The following METTL25 variants were observed in gnomAD, a reference collection of about 807,000 sequenced individuals.
METTL25 encodes the protein methyltransferase like 25.
METTL25 carries 64 observed loss-of-function variants against 71.6 expected under a neutral mutation model. That is an observed-to-expected ratio of 0.89 (90% CI 0.73 to 1.10). The LOEUF (loss-of-function observed/expected upper bound fraction) is 1.10. Ranked by LOEUF, METTL25 falls within the 50% of genes least tolerant of loss-of-function variation. The pLI is 0.00. For synonymous variants in METTL25, 287 were observed against 250.3 expected (o/e 1.15, Z -1.38); for missense variants, 807 against 707.0 (o/e 1.14, Z -1.60).
At chr12:82,476,397 TA>T (rs1892879886) in intron 9 of METTL25, 1 of 358,432 alleles carries the variant, frequency 2.8e-6, no homozygotes, top group South Asian at 6.0e-5. Flanking sequence ...TTGTTGAAAT[TA>T]AACAATATTA....
At chr12:82,392,908 T>C (rs1426564400) in intron 3 of METTL25, among the ~76,000 whole-genome samples, 1 of 152,102 alleles carries the variant, frequency 6.6e-6, no homozygotes, top group East Asian at 1.9e-4. Context: ...ATGCATCTTC[T>C]TGGCACCTTT....
At position 82,399,008 on chromosome 12, in the gene METTL25, C is replaced by G. The variant is rs4296098; in HGVS notation, c.745C>G (p.Gln249Glu). Reference sequence around the variant, plus strand: ...AAAAATGGCAAAAGAAAGGAAAGTGCAAAATAAAGTTAAAAATAAAGCTGA... The same window carrying G: ...AAAAATGGCAAAAGAAAGGAAAGTGGAAAATAAAGTTAAAAATAAAGCTGA... ...ALKMAKERKV[Q>E]NKVKNKADTE... Residue 249 changes from glutamine to glutamate, a missense_variant, in exon 4 of 12, where the codon CAA (glutamine) becomes GAA (glutamate). Transcript: ENST00000248306. 6.2e-7 allele frequency: 1 copy of G among 1,609,146 alleles called. No homozygotes were observed. The highest frequency in any genetic ancestry group is 1.1e-5 in the South Asian group (1 of 90,224).
intron 5 of METTL25, among the ~76,000 whole-genome samples, chr12:82,404,054 T>C (rs755625487): frequency 1.3e-5 from 2 of 152,170 alleles, no homozygotes; most frequent in Non-Finnish European, 2.9e-5. Flanking sequence ...TTGTAATTGT[T>C]TAATTTTATT....
intron 7 of METTL25, among the ~76,000 whole-genome samples, chr12:82,436,810 G>C (rs1889949422): frequency 6.6e-6 from 1 of 151,280 alleles, no homozygotes; most frequent in South Asian, 2.1e-4. Flanking sequence ...ACTATTTTTA[G>C]GCGTTTCATA....
intron 1 of METTL25, among the ~76,000 whole-genome samples, chr12:82,364,842 A>G (rs535807331): frequency 5.9e-5 from 9 of 152,302 alleles, no homozygotes; most frequent in Non-Finnish European, 8.8e-5. Flanking sequence ...ATTTTTTGCC[A>G]TATTAATAAA....
chr12:82,439,799 G>A lies in METTL25; in HGVS notation c.1478+1008G>A. On this transcript the variant is annotated intron_variant, in intron 8 of 11. Transcript: ENST00000248306. The stretch of plus-strand genomic sequence containing the variant: ...CCTTGTTGAAAAAAGCCATAAAATT[G>A]TGCAAATTCATGTCAACTCAAATAT... 3.4e-6 allele frequency: 3 copies of A among 880,162 alleles called. 1 individual carries two copies. The South Asian group carries it at 1.6e-4, about 46-fold the overall frequency. The allele number at this position is 880,162 out of a possible 1,614,324, so 54.5% of individuals were successfully genotyped here.
chr12:82,430,794 C>T (rs1889418802), intron 5 of METTL25, 99 bp from the exon 6 acceptor site: 1 of 626,852 alleles, frequency 1.6e-6, no homozygotes, highest in Non-Finnish European at 2.8e-6. Flanking sequence ...ACTGTTTTTA[C>T]TTTCTCAATG....
intron 5 of METTL25, among the ~76,000 whole-genome samples, chr12:82,426,532 C>T (rs555930944): frequency 3.9e-5 from 6 of 151,980 alleles, no homozygotes; most frequent in African/African-American, 1.4e-4. Context: ...AGAGGGAGCT[C>T]TCTTACACAC....
At chr12:82,380,008 G>A (rs1190747172) in intron 1 of METTL25, among the ~76,000 whole-genome samples, 1 of 152,086 alleles carries the variant, frequency 6.6e-6, no homozygotes, top group East Asian at 1.9e-4. Flanking sequence ...AATATTTGAG[G>A]TTTTAAAAAT....
intron 9 of METTL25, among the ~76,000 whole-genome samples, chr12:82,463,459 C>T (rs1892031423): frequency 1.3e-5 from 2 of 152,018 alleles, no homozygotes; most frequent in Non-Finnish European, 2.9e-5. Context: ...ATACATACCA[C>T]ATTTTCTTTG....
At chr12:82,393,689 T>C (rs1217787428) in intron 3 of METTL25, among the ~76,000 whole-genome samples, 2 of 152,084 alleles carry the variant, frequency 1.3e-5, no homozygotes, top group African/African-American at 2.4e-5. Flanking sequence ...GGCATTCTTG[T>C]CCTGTTCCAG....
intron 1 of METTL25, among the ~76,000 whole-genome samples, chr12:82,362,994 G>T (rs1384987204): frequency 6.6e-6 from 1 of 152,190 alleles, no homozygotes; most frequent in Admixed American, 6.5e-5. Context: ...TGCTAGAGAT[G>T]CTCCTAGCCC....
chr12:82,479,060 A>G lies in METTL25; in HGVS notation c.*36A>G, dbSNP rs1592792604. The G allele has an allele frequency of 6.4e-7, 1 of 1,560,662 alleles. No individual in the cohort carries two copies. The highest frequency in any genetic ancestry group is 8.8e-7 in the Non-Finnish European group (1 of 1,132,846). On this transcript the variant is annotated 3_prime_UTR_variant, in exon 12 of 12. Transcript: ENST00000248306. ...AGCAAATTATTAGATGTATTTCTCT[A>G]TGAGACCTGTTGCTGAGATTGCTTT...
chr12:82,475,685 G>A (rs1892841897), intron 9 of METTL25, among the ~76,000 whole-genome samples: 1 of 152,016 alleles, frequency 6.6e-6, no homozygotes, highest in Non-Finnish European at 1.5e-5. Flanking sequence ...CTGTCCAGGG[G>A]AGGGCTGCTT....
chr12:82,440,755 C>A (rs964699636), intron 8 of METTL25, among the ~76,000 whole-genome samples: 2 of 151,972 alleles, frequency 1.3e-5, no homozygotes, highest in African/African-American at 4.8e-5. Context: ...AACCTCACTT[C>A]TGAGGAAACA....
At chr12:82,478,218 TC>T (rs2137324801) in intron 11 of METTL25, among the ~76,000 whole-genome samples, 1 of 151,946 alleles carries the variant, frequency 6.6e-6, no homozygotes, top group South Asian at 2.1e-4. Context: ...GATTCTCACA[TC>T]CCTTTTCAAA....
intron 8 of METTL25, among the ~76,000 whole-genome samples, chr12:82,453,911 G>A (rs1891312318): frequency 6.6e-6 from 1 of 152,072 alleles, no homozygotes; most frequent in African/African-American, 2.4e-5. Context: ...CTGTGTTCCA[G>A]CTGATTAAAG....
chr12:82,365,427 C>T (rs545057630), intron 1 of METTL25, among the ~76,000 whole-genome samples: 68 of 152,166 alleles, frequency 4.5e-4, no homozygotes, highest in African/African-American at 1.4e-3. Context: ...ATAATATAGG[C>T]GAGATTAACC....
intron 1 of METTL25, among the ~76,000 whole-genome samples, chr12:82,378,477 G>A (rs1338337816): frequency 6.6e-6 from 1 of 152,160 alleles, no homozygotes; most frequent in Non-Finnish European, 1.5e-5. Flanking sequence ...CTTGGCAAAT[G>A]ATTATAACTA....
Sources: allele counts gnomAD v4.1 joint callset (sites outside exome capture counted in the v4.1 genomes callset), GRCh38; gene constraint gnomAD v4.1.1; transcripts MANE v1.5; gene names NCBI Gene and HGNC (gene_info 2026-07-23, HGNC 2026-07-21).